STAG1: variants seen among roughly 807,000 people sequenced by gnomAD.
STAG1 encodes the protein STAG1 cohesin complex component.
STAG1 carries 26 observed loss-of-function variants against 170.9 expected under a neutral mutation model. The observed-to-expected ratio is 0.15, with a 90% CI of 0.11 to 0.21. STAG1 has a LOEUF of 0.21. STAG1 is among the 10% of genes least tolerant of loss of function. STAG1 has a pLI of 1.00. For missense variants in STAG1, 964 were observed against 1,509.5 expected, an observed-to-expected ratio of 0.64 and a Z score of 5.99; for synonymous variants, 514 against 497.7, an observed-to-expected ratio of 1.03 and a Z score of -0.44.
At chr3:136,706,614 ATAT>A (rs1345245366) in intron 1 of STAG1, among the ~76,000 whole-genome samples, 1 of 152,234 alleles carries the variant, frequency 6.6e-6, no homozygotes, top group Non-Finnish European at 1.5e-5. Context: ...AGATCATTTA[ATAT>A]TGTTAAAATG....
At chr3:136,661,635 A>G (rs1941582746) in intron 1 of STAG1, among the ~76,000 whole-genome samples, 1 of 152,208 alleles carries the variant, frequency 6.6e-6, no homozygotes, top group Admixed American at 6.5e-5. Flanking sequence ...AAAAAAATCC[A>G]AAATCCAAAA....
intron 23 of STAG1, among the ~76,000 whole-genome samples, chr3:136,376,121 T>A (rs962923271): frequency 1.3e-5 from 2 of 150,776 alleles, no homozygotes; most frequent in East Asian, 3.9e-4. Flanking sequence ...AGAATAAGGT[T>A]TAGGGAAGAC....
chr3:136,705,378 AACACACACACACACACACACAC>A (rs3066789), intron 1 of STAG1, among the ~76,000 whole-genome samples: 18 of 143,204 alleles, frequency 1.3e-4, no homozygotes, highest in African/African-American at 2.4e-4. Context: ...ATGATCATCA[AACACACACACACACACACACAC>A]ACACACACAC....
chr3:136,683,350 T>G (rs1942406107), intron 1 of STAG1, among the ~76,000 whole-genome samples: 1 of 151,978 alleles, frequency 6.6e-6, no homozygotes, highest in African/African-American at 2.4e-5. Flanking sequence ...TGCCACCTTT[T>G]CCTCCTGGGT....
At chr3:136,711,476 G>A (rs756169874) in intron 1 of STAG1, among the ~76,000 whole-genome samples, 7 of 151,928 alleles carry the variant, frequency 4.6e-5, no homozygotes, top group Non-Finnish European at 7.4e-5. Flanking sequence ...CAGGAGGATC[G>A]TATAAGCCCA....
intron 4 of STAG1, among the ~76,000 whole-genome samples, chr3:136,571,303 G>A (rs965448700): frequency 5.3e-5 from 8 of 152,250 alleles, no homozygotes; most frequent in Admixed American, 3.3e-4. Context: ...GCGTGGTGGC[G>A]CACACCTGAA....
chr3:136,670,839 C>T (rs1363369228), intron 1 of STAG1, among the ~76,000 whole-genome samples: 3 of 152,026 alleles, frequency 2.0e-5, no homozygotes, highest in African/African-American at 7.2e-5. Flanking sequence ...TGTTGAAATA[C>T]ATGTTAGCTG....
intron 9 of STAG1, among the ~76,000 whole-genome samples, chr3:136,496,849 T>C (rs1261398140): frequency 1.1e-4 from 16 of 149,794 alleles, no homozygotes; most frequent in Admixed American, 9.3e-4. Flanking sequence ...TAAGATAAAA[T>C]AGCTCCACAT....
chr3:136,597,076 A>T (rs963197077), intron 4 of STAG1, among the ~76,000 whole-genome samples: 3 of 151,722 alleles, frequency 2.0e-5, no homozygotes, highest in African/African-American at 7.3e-5. Flanking sequence ...ACTGTATCTT[A>T]AAAAAAAATT....
intron 4 of STAG1, among the ~76,000 whole-genome samples, chr3:136,574,345 C>T (rs1275061634): frequency 6.9e-6 from 1 of 144,104 alleles, no homozygotes; most frequent in Non-Finnish European, 1.5e-5. Context: ...TGTGTGTATA[C>T]ACACACACAC....
At chr3:136,529,553 T>C (rs1362513789) in intron 6 of STAG1, among the ~76,000 whole-genome samples, 1 of 152,140 alleles carries the variant, frequency 6.6e-6, no homozygotes, top group Non-Finnish European at 1.5e-5. Context: ...TCAGCAAAAC[T>C]ATCTTTAATA....
chr3:136,578,428 C>T (rs1356101103), intron 4 of STAG1, among the ~76,000 whole-genome samples: 1 of 152,154 alleles, frequency 6.6e-6, no homozygotes, highest in African/African-American at 2.4e-5. Flanking sequence ...AAACTTTAGG[C>T]CTGGTAGGCA....
At chr3:136,448,132 T>A (rs932335423) in intron 14 of STAG1, among the ~76,000 whole-genome samples, 5 of 152,194 alleles carry the variant, frequency 3.3e-5, no homozygotes, top group Admixed American at 3.3e-4. Flanking sequence ...TTTATGCAGA[T>A]CTCTTAATCA....
intron 26 of STAG1, among the ~76,000 whole-genome samples, chr3:136,360,614 A>T (rs965959914): frequency 2.0e-5 from 3 of 152,186 alleles, no homozygotes; most frequent in African/African-American, 7.2e-5. Flanking sequence ...TTGCTATGTC[A>T]TTACTGAAGG....
rs774156196 is a variant in STAG1 at position 136,452,083 on chromosome 3, G to T, written c.1378C>A (p.Pro460Thr). 6.2e-7 allele frequency: 1 copy of T among 1,613,412 alleles called. No individual in the cohort carries two copies. The change falls in exon 14 of 34, where the codon CCG (proline) becomes ACG (threonine). Residue 460 changes from proline to threonine, a missense_variant. By Grantham distance (38) the Pro-to-Thr change is conservative. Transcript: ENST00000383202. The stretch of plus-strand genomic sequence containing the variant: ...AGCATCCTAATGAGGTTTCCATTCG[G>T]GCTGTTTCTTCCCCTCCTCTTTGCT... ...ALAKRRGRNS[P>T]NGNLIRMLVL...
rs188479153 is a variant in STAG1 at position 136,522,147 on chromosome 3, T to C, written c.472-730A>G. 2.0e-5 allele frequency among the ~76,000 whole-genome samples: 3 copies of C among 152,344 alleles called. No homozygotes were observed. The East Asian group carries it at 5.8e-4, about 29-fold the overall frequency. On this transcript the variant is annotated intron_variant, in intron 6 of 33. Coordinates refer to ENST00000383202, the MANE Select transcript of STAG1 (RefSeq NM_005862.3). ...ACAAGGTAGGGAATGAGGAATTCTG[T>C]GAACAAGGTTGCCTGAATATTCTCA... is the stretch of plus-strand genomic sequence containing the variant.
intron 6 of STAG1, among the ~76,000 whole-genome samples, chr3:136,536,947 G>C (rs1193692809): frequency 6.6e-6 from 1 of 152,076 alleles, no homozygotes; most frequent in Non-Finnish European, 1.5e-5. Flanking sequence ...ATAATTATTA[G>C]CTATTATTAT....
intron 1 of STAG1, among the ~76,000 whole-genome samples, chr3:136,708,993 T>TA (rs1553769639): frequency 5.4e-5 from 7 of 130,540 alleles, no homozygotes; most frequent in Admixed American, 2.3e-4. Flanking sequence ...TTTTTTTTTT[T>TA]AAAGACAGGG....
At chr3:136,609,422 T>TAC (rs1167811981) in intron 3 of STAG1, 22 of 148,742 alleles carry the variant, frequency 1.5e-4, no homozygotes, top group Non-Finnish European at 3.0e-4. Flanking sequence ...TACATATATA[T>TAC]ATATATACAC....
Sources: allele counts gnomAD v4.1 joint callset (sites outside exome capture counted in the v4.1 genomes callset), GRCh38; gene constraint gnomAD v4.1.1; transcripts MANE v1.5; gene names NCBI Gene and HGNC (gene_info 2026-07-23, HGNC 2026-07-21).